Variants in MRPL3 observed in about 807,000 individuals in gnomAD.
MRPL3 encodes mitochondrial ribosomal protein L3.
Under a neutral mutation model 44.3 loss-of-function variants are expected in MRPL3, and 43 were observed. The observed-to-expected ratio is 0.97, with a 90% CI of 0.76 to 1.25. The LOEUF (loss-of-function observed/expected upper bound fraction) is 1.25, where lower values mean the gene tolerates loss of function less well. Ranked by LOEUF, MRPL3 falls within the 50% of genes most tolerant of loss-of-function variation. MRPL3 has a pLI of 0.00. For synonymous variants in MRPL3, 171 were observed against 152.3 expected (o/e 1.12, Z -0.91); for missense variants, 406 against 427.6 (o/e 0.95, Z 0.45).
At chr3:131,491,512 G>T (rs564452404) in intron 4 of MRPL3, among the ~76,000 whole-genome samples, 106 of 152,200 alleles carry the variant, frequency 7.0e-4, no homozygotes, top group African/African-American at 2.4e-3. Context: ...AGCTTAACGT[G>T]TCTAAAACTG....
At chr3:131,492,842 CCTG>C (rs1334750001) in intron 4 of MRPL3, among the ~76,000 whole-genome samples, 1 of 152,172 alleles carries the variant, frequency 6.6e-6, no homozygotes, top group East Asian at 1.9e-4. Context: ...TGCCTTCTGT[CCTG>C]CTATTGTAAA....
At chr3:131,473,165 T>C (rs1334864632) in intron 6 of MRPL3, among the ~76,000 whole-genome samples, 1 of 152,016 alleles carries the variant, frequency 6.6e-6, no homozygotes, top group Non-Finnish European at 1.5e-5. Context: ...CAAAACATAC[T>C]ACACAAAGCT....
chr3:131,489,453 T>G (rs2110710040), intron 5 of MRPL3, among the ~76,000 whole-genome samples: 1 of 152,232 alleles, frequency 6.6e-6, no homozygotes, highest in East Asian at 1.9e-4. Flanking sequence ...TCAGGGAGCT[T>G]TTCTGAAGTT....
intron 6 of MRPL3, among the ~76,000 whole-genome samples, chr3:131,475,337 G>C (rs1232942398): frequency 6.6e-6 from 1 of 152,116 alleles, no homozygotes; most frequent in East Asian, 1.9e-4. Context: ...AATACAGTTT[G>C]TTTTCAATAC....
Position 131,490,069 on chromosome 3 carries a change from G to T in MRPL3, c.480C>A (p.Ser160=), listed in dbSNP as rs1934220471. 6.2e-7 allele frequency: 1 copy of T among 1,605,960 alleles called. No individual in the cohort carries two copies. The highest frequency in any genetic ancestry group is 8.5e-7 in the Non-Finnish European group (1 of 1,172,994). Reference sequence around the variant, plus strand: ...CAAGTTCCCGGTAAAATTCCAATATGGATGTAGCTTTCTAGAGGAAAAGCA... The same window carrying T: ...CAAGTTCCCGGTAAAATTCCAATATTGATGTAGCTTTCTAGAGGAAAAGCA... ...KTVSRFRKAT[S]ILEFYRELGL... is the part of the protein sequence containing the mutation. Residue 160 remains serine (S), a synonymous_variant, in exon 5 of 10, where the codon TCC becomes TCA. Transcript: ENST00000264995.
intron 5 of MRPL3, among the ~76,000 whole-genome samples, chr3:131,488,067 A>G (rs939135152): frequency 2.0e-5 from 3 of 152,220 alleles, no homozygotes; most frequent in Non-Finnish European, 2.9e-5. Flanking sequence ...TTGTCTTCAC[A>G]TTGGGAAAAC....
rs140780536 is a variant in MRPL3, at chr3:131,489,833, A to C, written c.568+148T>G. The C allele has an allele frequency of 4.5e-3, 2,377 of 529,888 alleles. 50 individuals are homozygous for C. Among genetic ancestry groups the C allele is most frequent in the African/African-American group, 0.039 (2,057 of 52,228 alleles). The allele number at this position is 529,888 out of a possible 1,614,324, so 32.8% of individuals were successfully genotyped here. On this transcript the variant is annotated intron_variant, in intron 5 of 9. Coordinates refer to ENST00000264995, the MANE Select transcript of MRPL3 (RefSeq NM_007208.4). Reference sequence around the variant, plus strand: ...CTACAGGTTTTTCCACTAAAAAAAAAAAAAAACAAAATGAGATACAGTTTT... The same window carrying C: ...CTACAGGTTTTTCCACTAAAAAAAACAAAAAACAAAATGAGATACAGTTTT...
At chr3:131,485,784 A>G (rs931727659) in intron 6 of MRPL3, among the ~76,000 whole-genome samples, 1 of 152,198 alleles carries the variant, frequency 6.6e-6, no homozygotes, top group African/African-American at 2.4e-5. Flanking sequence ...GCAATGACCT[A>G]TATTTGAAAC....
In MRPL3 at chr3:131,486,129, T is replaced by C. The variant is rs151001863; in HGVS notation, c.629+1551A>G. Among the ~76,000 whole-genome samples the C allele has an allele frequency of 5.8e-3, 888 of 152,202 alleles. 11 individuals are homozygous for C. Among genetic ancestry groups the C allele is most frequent in the African/African-American group, 0.02 (828 of 41,532 alleles). ...GTGCTGGGAAAACTGGCTAGCCATA[T>C]GTAGAAAGATGAAACTGGATCCCTT... On this transcript the variant is annotated intron_variant, in intron 6 of 9. Transcript: ENST00000264995.
intron 6 of MRPL3, among the ~76,000 whole-genome samples, chr3:131,475,827 C>T (rs2110699648): frequency 6.6e-6 from 1 of 152,288 alleles, no homozygotes; most frequent in Admixed American, 6.5e-5. Flanking sequence ...TTGGAAAGTA[C>T]AGTGCTTGGC....
At chr3:131,489,537 A>G (rs1354974637) in intron 5 of MRPL3, among the ~76,000 whole-genome samples, 4 of 152,094 alleles carry the variant, frequency 2.6e-5, no homozygotes, top group Non-Finnish European at 4.4e-5. Flanking sequence ...ACTCTTTGAC[A>G]GTCCACGGAT....
Position 131,471,275 on chromosome 3 carries a change from C to T in MRPL3, c.634G>A (p.Gly212Ser). Residue 212 changes from glycine to serine, a missense_variant, in exon 7 of 10, where the codon GGT (glycine) becomes AGT (serine). By Grantham distance (56) the Gly-to-Ser change is moderately conservative. Coordinates refer to ENST00000264995, the MANE Select transcript of MRPL3 (RefSeq NM_007208.4). ...TTCATGACACCTTGAAAACCTTTACCAATACTGAACAAAACAAACGTTAGA... is the reference window on the plus strand; with the variant it reads ...TTCATGACACCTTGAAAACCTTTACTAATACTGAACAAAACAAACGTTAGA... Reference protein sequence around the residue: ...QYVDVTAKTIGKGFQGVMKRW... With the variant: ...QYVDVTAKTISKGFQGVMKRW... 6.2e-7 allele frequency: 1 copy of T among 1,605,178 alleles called. No homozygotes were observed. The highest frequency in any genetic ancestry group is 1.3e-5 in the African/African-American group (1 of 74,808).
chr3:131,491,141 A>T (rs145153561), intron 4 of MRPL3, among the ~76,000 whole-genome samples: 1 of 152,292 alleles, frequency 6.6e-6, no homozygotes, highest in African/African-American at 2.4e-5. Flanking sequence ...CCCTTACAGC[A>T]AAGCTCCTGG....
chr3:131,466,518 C>CT (rs1255854980), intron 9 of MRPL3, among the ~76,000 whole-genome samples: 4 of 151,478 alleles, frequency 2.6e-5, no homozygotes, highest in Admixed American at 6.6e-5. Flanking sequence ...TTACTTTTTT[C>CT]TTTTTTTTAA....
chr3:131,492,863 A>G (rs1027219169), intron 4 of MRPL3, among the ~76,000 whole-genome samples: 1 of 152,146 alleles, frequency 6.6e-6, no homozygotes, highest in Non-Finnish European at 1.5e-5. Flanking sequence ...AAATATCACT[A>G]CAACCAGTGT....
At chr3:131,494,925 T>C (rs1934334261) in intron 4 of MRPL3, among the ~76,000 whole-genome samples, 1 of 152,186 alleles carries the variant, frequency 6.6e-6, no homozygotes, top group African/African-American at 2.4e-5. Context: ...TTCAAAGTTC[T>C]CTGCAATTAT....
chr3:131,469,557 CAA>C, intron 8 of MRPL3, 137 bp downstream of exon 8: 4 of 534,480 alleles, frequency 7.5e-6, no homozygotes, highest in Non-Finnish European at 1.3e-5. Context: ...CACACACACA[CAA>C]TTCATGTATC....
At chr3:131,495,074 C>T (rs111487326) in intron 4 of MRPL3, among the ~76,000 whole-genome samples, 2 of 152,052 alleles carry the variant, frequency 1.3e-5, no homozygotes, top group South Asian at 2.1e-4. Context: ...AAAAAGGCAA[C>T]GTAGTCTAAT....
intron 7 of MRPL3, 21 bp downstream of exon 7, chr3:131,471,150 A>G: frequency 6.7e-7 from 1 of 1,502,486 alleles, no homozygotes; most frequent in East Asian, 2.3e-5. Flanking sequence ...CATTAAAAAG[A>G]GCTTCACTAG....
Sources: gnomAD v4.1 joint callset for allele counts (sites outside exome capture counted in the v4.1 genomes callset) on GRCh38, gnomAD v4.1.1 for gene constraint, MANE v1.5 for transcripts, NCBI Gene and HGNC (gene_info 2026-07-23, HGNC 2026-07-21) for gene names.